Variants in MROH9 observed in about 807,000 individuals in gnomAD.
MROH9 encodes the protein maestro heat like repeat family member 9.
MROH9 carries 92 observed loss-of-function variants against 98.2 expected under a neutral mutation model. That is an observed-to-expected ratio of 0.94 (90% confidence interval 0.79 to 1.11). The LOEUF (loss-of-function observed/expected upper bound fraction) is 1.11, where lower values mean the gene tolerates loss of function less well. MROH9 is among the 50% of genes most tolerant of loss of function. MROH9 has a pLI of 0.00. For synonymous variants in MROH9, 397 were observed against 368.9 expected (o/e 1.08, Z -0.87); for missense variants, 1,057 against 1,014.8 (o/e 1.04, Z -0.57).
At chr1:170,949,164 T>C (rs982364484) in intron 3 of MROH9, among the ~76,000 whole-genome samples, 1 of 152,026 alleles carries the variant, frequency 6.6e-6, no homozygotes, top group Non-Finnish European at 1.5e-5. Flanking sequence ...TAGATGTAGG[T>C]TGCTCCCAGA....
At chr1:171,008,812 A>G (rs937098698) in intron 15 of MROH9, among the ~76,000 whole-genome samples, 1 of 152,192 alleles carries the variant, frequency 6.6e-6, no homozygotes, top group Non-Finnish European at 1.5e-5. Flanking sequence ...GATGCAGAGT[A>G]ACTTCCAGGA....
chr1:170,978,994 C>T (rs1254275928), intron 8 of MROH9, among the ~76,000 whole-genome samples: 1 of 152,122 alleles, frequency 6.6e-6, no homozygotes, highest in African/African-American at 2.4e-5. Flanking sequence ...GCTGGAGATC[C>T]AAGCCAGGAG....
chr1:171,059,053 A>C (rs1252253914), intron 20 of MROH9, among the ~76,000 whole-genome samples: 1 of 152,250 alleles, frequency 6.6e-6, no homozygotes, highest in African/African-American at 2.4e-5. Context: ...TGAACAGGCA[A>C]CCTACAGAAT....
chr1:170,996,662 T>C lies in MROH9; in HGVS notation c.1475+18T>C. 1 of 1,612,352 alleles carries C rather than the reference T, an allele frequency of 6.2e-7. No homozygotes were observed. Among genetic ancestry groups the C allele is most frequent in the Non-Finnish European group, 8.5e-7 (1 of 1,178,932 alleles). ...ATTGCTAAGTAAGAACAGGGGTCTC[T>C]GTGTAGGATTCTTGGTCTCTATCCT... On this transcript the variant is annotated intron_variant, in intron 14 of 21. Coordinates refer to ENST00000367759, the MANE Select transcript of MROH9 (RefSeq NM_001163629.2).
At chr1:171,007,126 C>A (rs1651978826) in intron 15 of MROH9, among the ~76,000 whole-genome samples, 1 of 152,168 alleles carries the variant, frequency 6.6e-6, no homozygotes, top group Non-Finnish European at 1.5e-5. Flanking sequence ...AGGTAAACAC[C>A]TTTTCCTTTT....
rs1486151525 is a variant in MROH9 at position 170,971,773 on chromosome 1, G to T, written c.506G>T (p.Gly169Val). Residue 169 changes from glycine to valine, a missense_variant, in exon 8 of 22, where the codon GGT becomes GTT. Transcript: ENST00000367759. The part of the protein sequence containing the change: ...KYISVDAPCL[G>V]LLAAELSLLC... The stretch of plus-strand genomic sequence containing the variant: ...ATAAGTGTTGATGCTCCATGTTTGG[G>T]TCTCCTGGCAGCAGAGCTGTCTCTT... The T allele has an allele frequency of 6.2e-7, 1 of 1,614,046 alleles. No homozygotes were observed. The highest frequency in any genetic ancestry group is 1.3e-5 in the African/African-American group (1 of 75,022).
rs553383961 is a variant in MROH9, at chr1:170,967,246, C to A, written c.480+1991C>A. Among the ~76,000 whole-genome samples the A allele has an allele frequency of 7.9e-5, 12 of 152,230 alleles. 1 individual carries two copies. Among genetic ancestry groups the A allele is most frequent in the African/African-American group, 2.9e-4 (12 of 41,554 alleles). ...GTTCTGCAATGTTCACTAAGTGCCA[C>A]CAGGTGGAAGTACTTCAGTATTTTC... On this transcript the variant is annotated intron_variant, in intron 7 of 21. Transcript: ENST00000367759.
intron 15 of MROH9, among the ~76,000 whole-genome samples, chr1:171,010,630 A>G (rs2101828535): frequency 6.6e-6 from 1 of 152,264 alleles, no homozygotes; most frequent in Admixed American, 6.5e-5. Flanking sequence ...CGCCATTCTA[A>G]CTGGTGTGAG....
chr1:171,005,370 C>T (rs1219534969), intron 15 of MROH9, among the ~76,000 whole-genome samples: 1 of 152,104 alleles, frequency 6.6e-6, no homozygotes, highest in Non-Finnish European at 1.5e-5. Flanking sequence ...CACGCCTGGC[C>T]AGTATAGATA....
At chr1:170,953,089 C>T (rs540891325) in intron 3 of MROH9, among the ~76,000 whole-genome samples, 6 of 152,202 alleles carry the variant, frequency 3.9e-5, no homozygotes, top group Admixed American at 3.3e-4. Context: ...ATTTGAAACA[C>T]TGAATTTATA....
At chr1:170,976,004 T>G (rs1358291463) in intron 8 of MROH9, among the ~76,000 whole-genome samples, 1 of 152,170 alleles carries the variant, frequency 6.6e-6, no homozygotes, top group Admixed American at 6.5e-5. Context: ...ATTTGCTTGG[T>G]AGGTTTTTCT....
intron 8 of MROH9, among the ~76,000 whole-genome samples, chr1:170,980,915 A>G (rs1255013487): frequency 5.3e-5 from 8 of 152,338 alleles, no homozygotes; most frequent in Non-Finnish European, 1.2e-4. Context: ...ACTTAAAAAA[A>G]TTTACAAGAA....
At chr1:171,045,917 T>C (rs1285052111) in intron 20 of MROH9, among the ~76,000 whole-genome samples, 1 of 152,182 alleles carries the variant, frequency 6.6e-6, no homozygotes, top group Non-Finnish European at 1.5e-5. Flanking sequence ...ATTATTATAT[T>C]GAAGCCCATC....
chr1:170,967,760 T>C (rs1264869424), intron 7 of MROH9, among the ~76,000 whole-genome samples: 1 of 152,216 alleles, frequency 6.6e-6, no homozygotes, highest in Non-Finnish European at 1.5e-5. Context: ...AAAGCACATG[T>C]TCCTTCAATT....
intron 17 of MROH9, among the ~76,000 whole-genome samples, chr1:171,018,578 C>T (rs193091879): frequency 1.7e-4 from 26 of 152,248 alleles, no homozygotes; most frequent in African/African-American, 5.8e-4. Flanking sequence ...CAGAAGTAGG[C>T]TTCAGAAGGT....
chr1:170,979,995 A>G (rs1428902289), intron 8 of MROH9, among the ~76,000 whole-genome samples: 1 of 152,180 alleles, frequency 6.6e-6, no homozygotes, highest in East Asian at 1.9e-4. Flanking sequence ...CAATCGCTAC[A>G]AAGAGAATAA....
chr1:171,055,496 G>A (rs75683885), intron 20 of MROH9, among the ~76,000 whole-genome samples: 2 of 151,912 alleles, frequency 1.3e-5, no homozygotes, highest in African/African-American at 4.8e-5. Context: ...GGTGGTGCAT[G>A]CCTGTAATTC....
At chr1:171,061,463 C>T (rs1448607237) in intron 20 of MROH9, among the ~76,000 whole-genome samples, 1 of 152,154 alleles carries the variant, frequency 6.6e-6, no homozygotes, top group Non-Finnish European at 1.5e-5. Context: ...AACACAAACG[C>T]CCATCAACAG....
intron 20 of MROH9, among the ~76,000 whole-genome samples, chr1:171,059,400 C>T (rs566146300): frequency 3.3e-5 from 5 of 152,008 alleles, no homozygotes; most frequent in South Asian, 4.1e-4. Context: ...TAGATGCTGG[C>T]GAGGCTGTGG....
Sources: allele counts gnomAD v4.1 joint callset (sites outside exome capture counted in the v4.1 genomes callset), GRCh38; gene constraint gnomAD v4.1.1; transcripts MANE v1.5; gene names NCBI Gene and HGNC (gene_info 2026-07-23, HGNC 2026-07-21).